The following RAB37 variants were observed in gnomAD, a reference collection of about 807,000 sequenced individuals.
The protein encoded by RAB37 is ras-related protein Rab-37.
Under a neutral mutation model 33.1 loss-of-function variants are expected in RAB37, and 29 were observed. The observed-to-expected ratio is 0.88, with a 90% CI of 0.65 to 1.20. RAB37 has a LOEUF of 1.20. Among genes scored for constraint, RAB37 ranks in the 50% most tolerant of loss-of-function variants. The probability of loss-of-function intolerance (pLI) is 0.00; values close to 1 mark genes in which losing one functional copy is unlikely to be tolerated. For synonymous variants in RAB37, 128 were observed against 119.5 expected (o/e 1.07, Z -0.47); for missense variants, 299 against 301.1 (o/e 0.99, Z 0.05).
rs2032336931 is a variant in RAB37 at position 74,695,345 on chromosome 17, C to T, written c.72+23687C>T. On this transcript the variant is annotated intron_variant, in intron 1 of 7. Transcript: ENST00000340415. ...TCGGAGGAGGATAGTGGGGATGGAC[C>T]ATTCAGGGCTTCTAATCCCACTCAA... 4 of 1,456,646 alleles carry T rather than the reference C, an allele frequency of 2.7e-6. No individual in the cohort carries two copies. The South Asian group carries it at 5.1e-5, about 19-fold the overall frequency. 90.2% of individuals were successfully genotyped at this position (1,456,646 alleles called of 1,614,324 possible).
intron 1 of RAB37, among the ~76,000 whole-genome samples, chr17:74,685,770 G>C (rs561125625): frequency 6.6e-6 from 1 of 152,308 alleles, no homozygotes; most frequent in African/African-American, 2.4e-5. Context: ...GTGAAGCCCA[G>C]GTGACAATCT....
chr17:74,709,686 C>T (rs1040111228), intron 1 of RAB37, among the ~76,000 whole-genome samples: 1 of 151,984 alleles, frequency 6.6e-6, no homozygotes, highest in Non-Finnish European at 1.5e-5. Flanking sequence ...TTGCTGTAAC[C>T]TCTTATGTAG....
In RAB37 at chr17:74,671,719, C is replaced by A. The variant is rs1321830605; in HGVS notation, c.72+61C>A. ...AAGAGGCGCCAGCACCAGGAGTTTT[C>A]TCCACTCCCCTGACTTTGCTTTGGG... On this transcript the variant is annotated intron_variant, in intron 1 of 7. Transcript: ENST00000340415. The surrounding 1 kb of genome is among the most constrained non-coding windows in gnomAD (Gnocchi z 5.0). 15 of 1,442,466 alleles carry A rather than the reference C, an allele frequency of 1.0e-5. No individual in the cohort carries two copies. In the East Asian group the frequency reaches 3.4e-4, roughly 33 times the overall value. The allele number at this position is 1,442,466 out of a possible 1,614,324, so 89.4% of individuals were successfully genotyped here. A position where few individuals can be genotyped will look rare whatever the true frequency, so the allele number is the denominator to read the frequency against.
chr17:74,675,362 G>A (rs2031806365), intron 1 of RAB37, among the ~76,000 whole-genome samples: 3 of 151,856 alleles, frequency 2.0e-5, no homozygotes, highest in Admixed American at 1.3e-4. Flanking sequence ...TTTAACCTGG[G>A]AGGCAGAGGT....
chr17:74,695,580 G>A (rs1453626637), intron 1 of RAB37: 25 of 1,174,910 alleles, frequency 2.1e-5, no homozygotes, highest in South Asian at 1.0e-4. Flanking sequence ...GCTCCTAGGC[G>A]AGTCCTGCAG....
At chr17:74,736,495 T>G, upstream of RAB37, 17 of 1,401,390 alleles carry the variant, frequency 1.2e-5, no homozygotes, top group Non-Finnish European at 1.6e-5. Context: ...ATGAATTTAT[T>G]TGGCTCCTCC....
chr17:74,689,527 T>C (rs768715351), intron 1 of RAB37, among the ~76,000 whole-genome samples: 3 of 152,216 alleles, frequency 2.0e-5, no homozygotes, highest in Admixed American at 6.5e-5. Context: ...ACTTTTTCAA[T>C]GAACTGACCA....
At chr17:74,741,575 GA>G (rs2034617337) in intron 2 of RAB37, among the ~76,000 whole-genome samples, 1 of 124,494 alleles carries the variant, frequency 8.0e-6, no homozygotes, top group African/African-American at 3.2e-5. Flanking sequence ...AACAAAGTGA[GA>G]CTGCGTCTCA....
chr17:74,687,214 TTTTATTTATTTATTTA>T (rs530119456), intron 1 of RAB37, among the ~76,000 whole-genome samples: 6 of 151,394 alleles, frequency 4.0e-5, no homozygotes, highest in Admixed American at 3.3e-4. Context: ...TTTATTTTAT[TTTTATTTATTTATTTA>T]TTTATTTATT....
In RAB37 at chr17:74,742,312, G is replaced by A. The variant is rs961950051; in HGVS notation, c.246+17G>A. 1 of 1,603,900 alleles carries A rather than the reference G, an allele frequency of 6.2e-7. No individual in the cohort carries two copies. The highest frequency in any genetic ancestry group is 1.1e-5 in the South Asian group (1 of 90,358). ...AAGCTGCAGGTGAGACCAGAGGCTGGAGTTGGGGAGGGAGGATGGAGGACC... is the reference window on the plus strand; with the variant it reads ...AAGCTGCAGGTGAGACCAGAGGCTGAAGTTGGGGAGGGAGGATGGAGGACC... On this transcript the variant is annotated intron_variant, in intron 3 of 8. Transcript: ENST00000392613. This position sits in a 1 kb window ranked among gnomAD's most constrained non-coding sequence, Gnocchi z 4.0.
chr17:74,737,496 A>C lies in RAB37; in HGVS notation c.93+131A>C, dbSNP rs976167685. 1.1e-5 allele frequency: 12 copies of C among 1,083,816 alleles called. 1 individual carries two copies. In the African/African-American group the frequency reaches 1.4e-4, roughly 13 times the overall value. 67.1% of individuals were successfully genotyped at this position (1,083,816 alleles called of 1,614,324 possible). ...GAGGAGGGAGGGAGAGAGGGTCAGGACACAGCCTCTGGGGCCGTCCCAAGC... is the reference window on the plus strand; with the variant it reads ...GAGGAGGGAGGGAGAGAGGGTCAGGCCACAGCCTCTGGGGCCGTCCCAAGC... On this transcript the variant is annotated intron_variant, in intron 1 of 8. Transcript: ENST00000392613.
intron 1 of RAB37, among the ~76,000 whole-genome samples, chr17:74,685,895 G>T (rs1394399553): frequency 2.0e-5 from 3 of 152,210 alleles, no homozygotes; most frequent in Non-Finnish European, 2.9e-5. Flanking sequence ...AGGCCCAAAT[G>T]CAGTTAGTCA....
rs527481013 is a variant in RAB37, at chr17:74,729,792, C to T, written c.183+426C>T. ...CTTCTGGGGCTCCACATTGGATGAA[C>T]GCAAGTGGAAGCCAGAAAGCAAAAA... On this transcript the variant is annotated intron_variant, in intron 2 of 7. Coordinates refer to the RAB37 transcript ENST00000340415. The surrounding 1 kb of genome is among the most constrained non-coding windows in gnomAD (Gnocchi z 4.2). 3.4e-4 allele frequency among the ~76,000 whole-genome samples: 51 copies of T among 152,176 alleles called. No individual in the cohort carries two copies. Among genetic ancestry groups the T allele is most frequent in the African/African-American group, 1.2e-3 (50 of 41,534 alleles).
intron 1 of RAB37, among the ~76,000 whole-genome samples, chr17:74,685,088 T>G (rs1371023035): frequency 6.7e-6 from 1 of 150,298 alleles, no homozygotes; most frequent in Non-Finnish European, 1.5e-5. Flanking sequence ...ATTTACTAAA[T>G]GCTAACATTT....
rs545408892 is a variant in RAB37 at position 74,710,739 on chromosome 17, C to A, written c.73-18517C>A. ...AAAAAAATAGCCAGGCATGCTGGCA[C>A]ACCTGTAATCCCAGCTACTTGGGAG... On this transcript the variant is annotated intron_variant, in intron 1 of 7. Coordinates refer to the RAB37 transcript ENST00000340415. 2.6e-5 allele frequency among the ~76,000 whole-genome samples: 4 copies of A among 151,694 alleles called. No homozygotes were observed. In the South Asian group the frequency reaches 8.4e-4, roughly 32 times the overall value.
chr17:74,736,996 G>A (rs1416803309), upstream of RAB37: 1 of 1,592,652 alleles, frequency 6.3e-7, no homozygotes, highest in East Asian at 2.3e-5. Context: ...ACAGGGGACC[G>A]GTCCCGGGGC....
intron 1 of RAB37, among the ~76,000 whole-genome samples, chr17:74,688,800 G>T (rs2032103758): frequency 6.6e-6 from 1 of 152,108 alleles, no homozygotes; most frequent in South Asian, 2.1e-4. Flanking sequence ...GCAATCAGGT[G>T]GCTTCATAAG....
At chr17:74,711,590 C>T (rs1029365334) in intron 1 of RAB37, among the ~76,000 whole-genome samples, 1 of 152,186 alleles carries the variant, frequency 6.6e-6, no homozygotes, top group African/African-American at 2.4e-5. Context: ...GAGGCAAAGC[C>T]GTGCTGACCT....
At position 74,744,383 on chromosome 17, in the gene RAB37, T is replaced by G. The variant is rs1259345645; in HGVS notation, c.432+10T>G. On this transcript the variant is annotated intron_variant, in intron 6 of 8. Transcript: ENST00000392613. This position sits in a 1 kb window ranked among gnomAD's most constrained non-coding sequence, Gnocchi z 4.2. ...GCTGCTAGGCAACAAGGTGAGTGGCTCCGGGGCAGGGTCAGCCCAGCCCTG... is the reference window on the plus strand; with the variant it reads ...GCTGCTAGGCAACAAGGTGAGTGGCGCCGGGGCAGGGTCAGCCCAGCCCTG... 6.2e-7 allele frequency: 1 copy of G among 1,613,768 alleles called. No individual in the cohort carries two copies. The highest frequency in any genetic ancestry group is 8.5e-7 in the Non-Finnish European group (1 of 1,179,874).
Sources: allele counts gnomAD v4.1 joint callset (sites outside exome capture counted in the v4.1 genomes callset), GRCh38; gene constraint gnomAD v4.1.1; non-coding constraint Gnocchi (gnomAD v3.1); transcripts MANE v1.5; gene names NCBI Gene and HGNC (gene_info 2026-07-23, HGNC 2026-07-21).